The following AFAP1L1 variants were observed in gnomAD, a reference collection of about 807,000 sequenced individuals.
The protein encoded by AFAP1L1 is actin filament associated protein 1 like 1.
In AFAP1L1, 77 loss-of-function variants were observed where a neutral mutation model predicts 99.8. The ratio of observed to expected loss-of-function variants is 0.77; its 90% CI spans 0.64 to 0.93. The LOEUF (loss-of-function observed/expected upper bound fraction) is 0.93, where lower values mean the gene tolerates loss of function less well. Among genes scored for constraint, AFAP1L1 ranks in the 40% least tolerant of loss-of-function variants. AFAP1L1 has a pLI of 0.00. For missense variants in AFAP1L1, 893 were observed against 996.8 expected (o/e 0.90, Z 1.40); for synonymous variants, 373 against 395.3 (o/e 0.94, Z 0.67).
chr5:149,317,919 G>A lies in AFAP1L1; in HGVS notation c.1458G>A (p.Arg486=), dbSNP rs1310627803. Residue 486 remains arginine, a synonymous_variant, in exon 12 of 19, where the codon CGG becomes CGA. Coordinates refer to ENST00000296721, the MANE Select transcript of AFAP1L1 (RefSeq NM_152406.4). The part of the protein sequence containing the change: ...HPFAFRILRN[R]QEVAILEASC... ...TTGCCTTCAGGATCCTGCGCAACCG[G>A]CAGGAGGTGGCCATCTTGGAGGTGA... 2 of 1,576,774 alleles carry A rather than the reference G, an allele frequency of 1.3e-6. No homozygotes were observed. The highest frequency in any genetic ancestry group is 2.3e-5 in the East Asian group (1 of 42,790).
At chr5:149,319,085 C>G (rs974738783) in intron 12 of AFAP1L1, among the ~76,000 whole-genome samples, 1 of 152,198 alleles carries the variant, frequency 6.6e-6, no homozygotes, top group African/African-American at 2.4e-5. Context: ...ATAAGATGCT[C>G]TTTAAATGAG....
At chr5:149,289,399 G>A (rs958057151) in intron 1 of AFAP1L1, among the ~76,000 whole-genome samples, 2 of 151,984 alleles carry the variant, frequency 1.3e-5, no homozygotes, top group Non-Finnish European at 2.9e-5. Flanking sequence ...TCACACAGGG[G>A]CTATATTTAA....
At chr5:149,272,911 C>T (rs1268589362) in intron 1 of AFAP1L1, among the ~76,000 whole-genome samples, 1 of 152,080 alleles carries the variant, frequency 6.6e-6, no homozygotes, top group Non-Finnish European at 1.5e-5. Flanking sequence ...CCATATTGGC[C>T]AGGCTGGTCT....
intron 14 of AFAP1L1, among the ~76,000 whole-genome samples, chr5:149,322,046 A>G (rs1400973175): frequency 6.6e-6 from 1 of 152,252 alleles, no homozygotes; most frequent in South Asian, 2.1e-4. Context: ...GGTCCTATAC[A>G]GAGAAGTAGA....
chr5:149,326,533 T>A (rs1757099248), intron 15 of AFAP1L1, among the ~76,000 whole-genome samples: 1 of 123,092 alleles, frequency 8.1e-6, no homozygotes, highest in African/African-American at 3.1e-5. Context: ...AGTGAGACCC[T>A]GTCGCCAAAA....
At chr5:149,336,100 G>C (rs1456692982) in intron 18 of AFAP1L1, among the ~76,000 whole-genome samples, 1 of 152,030 alleles carries the variant, frequency 6.6e-6, no homozygotes, top group Non-Finnish European at 1.5e-5. Flanking sequence ...CTAAGTCCAT[G>C]GCTCCCTCCA....
chr5:149,312,814 G>GAGAA (rs906449964), intron 9 of AFAP1L1, among the ~76,000 whole-genome samples: 4 of 151,136 alleles, frequency 2.6e-5, no homozygotes, highest in African/African-American at 9.7e-5. Flanking sequence ...AAGAGAGAGA[G>GAGAA]AGAAAGAAAG....
Position 149,342,439 on chromosome 5 carries a change from T to C in AFAP1L1, c.*2409T>C, listed in dbSNP as rs939582126. 1.3e-5 allele frequency among the ~76,000 whole-genome samples: 2 copies of C among 152,182 alleles called. No homozygotes were observed. The highest frequency in any genetic ancestry group is 2.9e-5 in the Non-Finnish European group (2 of 68,034). On this transcript the variant is annotated 3_prime_UTR_variant, in exon 19 of 19. Coordinates refer to ENST00000296721, the MANE Select transcript of AFAP1L1 (RefSeq NM_152406.4). The stretch of plus-strand genomic sequence containing the variant: ...AGAGCCTTATTCTTAATTTTAAAGC[T>C]CTATGTCATCCATATATCTCCCTCC...
chr5:149,335,144 C>T lies in AFAP1L1; in HGVS notation c.2155-450C>T, dbSNP rs58462384. On this transcript the variant is annotated intron_variant, in intron 17 of 18. Coordinates refer to ENST00000296721, the MANE Select transcript of AFAP1L1 (RefSeq NM_152406.4). ...TTATCTGAAGGTCCTCAAGTATCTT[C>T]TCTCACCTTGTTCAATGCTGTCATG... Among the ~76,000 whole-genome samples, 846 of 152,338 alleles carry T rather than the reference C, an allele frequency of 5.6e-3. 12 individuals carry two copies. The highest frequency in any genetic ancestry group is 0.019 in the African/African-American group (801 of 41,574).
chr5:149,292,243 A>G lies in AFAP1L1; in HGVS notation c.17-7266A>G. On this transcript the variant is annotated intron_variant, in intron 1 of 18. Coordinates refer to ENST00000296721, the MANE Select transcript of AFAP1L1 (RefSeq NM_152406.4). ...TTTAATTACTCACTTGTCTTTTGTTATGAACTCATTATCTTTGCGATCTCT... is the reference window on the plus strand; with the variant it reads ...TTTAATTACTCACTTGTCTTTTGTTGTGAACTCATTATCTTTGCGATCTCT... 1.3e-5 allele frequency among the ~76,000 whole-genome samples: 2 copies of G among 152,198 alleles called. 1 individual carries two copies. The highest frequency in any genetic ancestry group is 3.9e-4 in the East Asian group (2 of 5,190).
intron 9 of AFAP1L1, 73 bp from the exon 10 acceptor site, chr5:149,315,748 T>C: frequency 2.3e-6 from 3 of 1,307,210 alleles, no homozygotes; most frequent in Non-Finnish European, 2.2e-6. Context: ...GGAGGGAGAT[T>C]GAACCAATAA....
chr5:149,286,057 T>G (rs1222626997), intron 1 of AFAP1L1, among the ~76,000 whole-genome samples: 1 of 152,190 alleles, frequency 6.6e-6, no homozygotes, highest in Non-Finnish European at 1.5e-5. Flanking sequence ...GAATCTCACC[T>G]GTCCAGGAAG....
Position 149,301,165 on chromosome 5 carries a change from G to T in AFAP1L1, c.262G>T (p.Glu88Ter). The stretch of plus-strand genomic sequence containing the variant: ...CCTGAGTGACCTTCGGGACATGCCA[G>T]AGGATGATGGGGAGCCCAGCAAAGG... ...CDLSDLRDMP[E>*]DDGEPSKGAS... Residue 88 changes from glutamate to a stop codon, truncating the protein, a stop_gained, in exon 4 of 19, where the codon GAG becomes TAG. Coordinates refer to ENST00000296721, the MANE Select transcript of AFAP1L1 (RefSeq NM_152406.4). LOFTEE classifies it high-confidence loss of function. 6.2e-7 allele frequency: 1 copy of T among 1,614,060 alleles called. No homozygotes were observed. Among genetic ancestry groups the T allele is most frequent in the Non-Finnish European group, 8.5e-7 (1 of 1,179,954 alleles).
chr5:149,291,534 AAAAAAAAAAAAAAAAAG>A lies in AFAP1L1; in HGVS notation c.17-7971_17-7955del, dbSNP rs1483569644. ...AGCGTGACTCCGTCTCAAAAAAAAA[AAAAAAAAAAAAAAAAAG>A]AAAGAAAGAAGAGAAAAGCCTGCAG... On this transcript the variant is annotated intron_variant, in intron 1 of 18. Coordinates refer to ENST00000296721, the MANE Select transcript of AFAP1L1 (RefSeq NM_152406.4). Among the ~76,000 whole-genome samples, 86 of 140,482 alleles carry A rather than the reference AAAAAAAAAAAAAAAAAG, an allele frequency of 6.1e-4. 1 individual carries two copies. Among genetic ancestry groups the A allele is most frequent in the African/African-American group, 2.1e-3 (79 of 37,876 alleles). 92.2% of individuals were successfully genotyped at this position (140,482 alleles called of 152,430 possible). A position where few individuals can be genotyped will look rare whatever the true frequency, so the allele number is the denominator to read the frequency against.
Position 149,301,133 on chromosome 5 carries a change from A to T in AFAP1L1, c.230A>T (p.Asp77Val). 1 of 1,613,778 alleles carries T rather than the reference A, an allele frequency of 6.2e-7. No homozygotes were observed. ...TGCCCAATGGCCTGTCCCTCTGTAG[A>T]CTGTGACCTGAGTGACCTTCGGGAC... is the stretch of plus-strand genomic sequence containing the variant. ...SFVESLFEEF[D>V]CDLSDLRDMP... Residue 77 changes from aspartate (D) to valine (V), a missense_variant and splice_region_variant, in exon 4 of 19, where the codon GAC becomes GTC. Transcript: ENST00000296721.
At chr5:149,317,974 G>C in intron 12 of AFAP1L1, 34 bp downstream of exon 12, 1 of 1,548,626 alleles carries the variant, frequency 6.5e-7, no homozygotes, top group South Asian at 1.2e-5. Context: ...GGTGGCTCTT[G>C]GTCTGGGGAC....
intron 17 of AFAP1L1, among the ~76,000 whole-genome samples, chr5:149,333,634 C>T (rs1338776338): frequency 6.6e-6 from 1 of 152,200 alleles, no homozygotes; most frequent in African/African-American, 2.4e-5. Flanking sequence ...ACATTTTGGA[C>T]CAGTAATTCT....
In AFAP1L1 at chr5:149,306,446, G is replaced by C. The variant is rs1756417093; in HGVS notation, c.535+42G>C. ...CGTCCAGATGCTGGGCAGGGCTTCT[G>C]CCCTTGCAAAGAGCAGGCCTTGTCC... On this transcript the variant is annotated intron_variant, in intron 6 of 18. Coordinates refer to ENST00000296721, the MANE Select transcript of AFAP1L1 (RefSeq NM_152406.4). The C allele has an allele frequency of 1.9e-6, 3 of 1,554,382 alleles. No homozygotes were observed. The East Asian group carries it at 7.0e-5, about 36-fold the overall frequency.
rs1756121588 is a variant in AFAP1L1, at chr5:149,299,545, T to C, written c.53T>C (p.Leu18Pro). The stretch of plus-strand genomic sequence containing the variant: ...CTGCTCCCAGAGCTCACCGGGCTGC[T>C]CAGCCTCCTGGACCACGAGTACCTC... ...EQLLPELTGL[L>P]SLLDHEYLSD... is the part of the protein sequence containing the mutation. Residue 18 changes from leucine (L) to proline (P), a missense_variant, in exon 2 of 19, where the codon CTC becomes CCC. Physicochemically the swap from Leu to Pro is moderately conservative, Grantham distance 98. Transcript: ENST00000296721. 1 of 1,613,978 alleles carries C rather than the reference T, an allele frequency of 6.2e-7. No homozygotes were observed. The highest frequency in any genetic ancestry group is 8.5e-7 in the Non-Finnish European group (1 of 1,180,008).
Sources: allele counts gnomAD v4.1 joint callset (sites outside exome capture counted in the v4.1 genomes callset), GRCh38; gene constraint gnomAD v4.1.1; transcripts MANE v1.5; gene names NCBI Gene and HGNC (gene_info 2026-07-23, HGNC 2026-07-21).